TBC1D22A: variants seen among roughly 807,000 people sequenced by gnomAD.
TBC1D22A encodes TBC1 domain family member 22A, also known as putative GTPase activator.
A neutral mutation model predicts 60.2 loss-of-function variants in TBC1D22A; 38 were observed. The observed-to-expected ratio is 0.63, with a 90% CI of 0.49 to 0.83. The LOEUF is 0.83. Among genes scored for constraint, TBC1D22A ranks in the 40% least tolerant of loss-of-function variants. The pLI is 0.00. For missense variants in TBC1D22A, 628 were observed against 701.0 expected (o/e 0.90, Z 1.18); for synonymous variants, 302 against 281.7 (o/e 1.07, Z -0.72).
At chr22:47,008,248 G>C (rs948650866) in intron 10 of TBC1D22A, among the ~76,000 whole-genome samples, 1 of 152,226 alleles carries the variant, frequency 6.6e-6, no homozygotes, top group South Asian at 2.1e-4. Context: ...TGTTTGTTAT[G>C]TTTGTTCTGT....
At chr22:46,824,532 G>A (rs2085966386) in intron 4 of TBC1D22A, among the ~76,000 whole-genome samples, 1 of 152,194 alleles carries the variant, frequency 6.6e-6, no homozygotes, top group African/African-American at 2.4e-5. Flanking sequence ...TGAGGGCGGT[G>A]GAAGGAGGTC....
chr22:46,959,480 T>C (rs1358753467), intron 8 of TBC1D22A, among the ~76,000 whole-genome samples: 1 of 152,228 alleles, frequency 6.6e-6, no homozygotes, highest in Non-Finnish European at 1.5e-5. Context: ...CCTCTGCCTC[T>C]GTGCTGTGAC....
At chr22:46,954,180 T>C (rs2073066695) in intron 8 of TBC1D22A, among the ~76,000 whole-genome samples, 1 of 152,228 alleles carries the variant, frequency 6.6e-6, no homozygotes, top group East Asian at 1.9e-4. Context: ...CCATAGGCAC[T>C]AGAGTCAGAC....
At chr22:46,941,112 C>G (rs1292362681) in intron 8 of TBC1D22A, among the ~76,000 whole-genome samples, 1 of 31,580 alleles carries the variant, frequency 3.2e-5, no homozygotes, top group Admixed American at 3.9e-4. Flanking sequence ...CTAGCATACA[C>G]ACACACACAC....
In TBC1D22A at chr22:46,797,609, A is replaced by C; in HGVS notation, c.626A>C (p.Asn209Thr). The C allele has an allele frequency of 6.2e-7, 1 of 1,607,322 alleles. No homozygotes were observed. Among genetic ancestry groups the C allele is most frequent in the Non-Finnish European group, 8.5e-7 (1 of 1,175,678 alleles). The change falls in exon 4 of 13, where the codon AAC becomes ACC. Residue 209 changes from asparagine to threonine, a missense_variant. By Grantham distance (65) the Asn-to-Thr change is moderately conservative. Coordinates refer to ENST00000337137, the MANE Select transcript of TBC1D22A (RefSeq NM_014346.5). The stretch of plus-strand genomic sequence containing the variant: ...TTCAAGCAGCTGCTTGCCGGCCCCA[A>C]CACGGACCTTGGTAAGCACCCTGCC... ...DKFKQLLAGP[N>T]TDLEELRRLS...
At chr22:46,821,278 A>G (rs1262072706) in intron 4 of TBC1D22A, among the ~76,000 whole-genome samples, 1 of 152,184 alleles carries the variant, frequency 6.6e-6, no homozygotes, top group Non-Finnish European at 1.5e-5. Flanking sequence ...TCCTGTCATC[A>G]TGATGCTATC....
chr22:46,833,877 A>G (rs2086410586), intron 4 of TBC1D22A, among the ~76,000 whole-genome samples: 1 of 152,216 alleles, frequency 6.6e-6, no homozygotes, highest in African/African-American at 2.4e-5. Context: ...GGTTGAAGCA[A>G]CCATAGGCCA....
chr22:46,840,763 G>A (rs2086722621), intron 4 of TBC1D22A, among the ~76,000 whole-genome samples: 1 of 151,730 alleles, frequency 6.6e-6, no homozygotes, highest in Non-Finnish European at 1.5e-5. Flanking sequence ...ATGATAACAA[G>A]CATTCGTGAG....
intron 12 of TBC1D22A, among the ~76,000 whole-genome samples, chr22:47,119,328 A>C (rs2066186780): frequency 6.6e-6 from 1 of 151,950 alleles, no homozygotes; most frequent in African/African-American, 2.4e-5. Flanking sequence ...CAGGCTTGGC[A>C]CTCCGTCTCA....
chr22:46,978,696 G>A (rs138583882), intron 9 of TBC1D22A, among the ~76,000 whole-genome samples: 3 of 152,226 alleles, frequency 2.0e-5, no homozygotes, highest in Non-Finnish European at 2.9e-5. Context: ...TGCAACCTCC[G>A]CCTCCCAGGT....
chr22:46,934,132 T>C (rs1204616020), intron 8 of TBC1D22A, among the ~76,000 whole-genome samples: 2 of 152,250 alleles, frequency 1.3e-5, no homozygotes, highest in African/African-American at 4.8e-5. Flanking sequence ...TTGCAGACTT[T>C]TTATTTCTCA....
At chr22:46,828,752 G>C (rs1206727151) in intron 4 of TBC1D22A, among the ~76,000 whole-genome samples, 1 of 152,110 alleles carries the variant, frequency 6.6e-6, no homozygotes, top group Non-Finnish European at 1.5e-5. Context: ...TCTCTGTTTG[G>C]ACTGTTCTCT....
chr22:46,941,470 G>A (rs1337705589), intron 8 of TBC1D22A, among the ~76,000 whole-genome samples: 18 of 112,976 alleles, frequency 1.6e-4, no homozygotes, highest in African/African-American at 4.7e-4. Flanking sequence ...ATATATACAC[G>A]GAATATATAT....
At chr22:46,840,499 C>T (rs187990954) in intron 4 of TBC1D22A, among the ~76,000 whole-genome samples, 2 of 152,306 alleles carry the variant, frequency 1.3e-5, no homozygotes, top group Admixed American at 1.3e-4. Flanking sequence ...CTTTGGGAGC[C>T]TGAGGCAGGT....
intron 8 of TBC1D22A, among the ~76,000 whole-genome samples, chr22:46,966,287 T>C (rs1290654287): frequency 1.3e-5 from 2 of 152,232 alleles, no homozygotes; most frequent in Admixed American, 1.3e-4. Context: ...ATTCTCCACC[T>C]GGCAGGTTCC....
At chr22:46,799,429 C>T (rs1601912756) in intron 4 of TBC1D22A, among the ~76,000 whole-genome samples, 1 of 152,206 alleles carries the variant, frequency 6.6e-6, no homozygotes, top group East Asian at 1.9e-4. Flanking sequence ...TTCCTAAGCA[C>T]AAAGACATTC....
intron 8 of TBC1D22A, among the ~76,000 whole-genome samples, chr22:46,962,667 G>A (rs1452636661): frequency 1.3e-5 from 2 of 152,170 alleles, no homozygotes; most frequent in Admixed American, 6.5e-5. Context: ...TAATTATGCA[G>A]CATCCTGAGG....
At chr22:46,765,795 T>C (rs1164731604) in intron 1 of TBC1D22A, among the ~76,000 whole-genome samples, 5 of 120,890 alleles carry the variant, frequency 4.1e-5, no homozygotes, top group Non-Finnish European at 7.0e-5. Context: ...TTTTTTTTTT[T>C]CTGAGACAAG....
chr22:46,905,798 G>T (rs1238512096), intron 7 of TBC1D22A, among the ~76,000 whole-genome samples: 1 of 152,248 alleles, frequency 6.6e-6, no homozygotes, highest in Non-Finnish European at 1.5e-5. Context: ...GCAGGAATCA[G>T]TGGTCCTTCT....
Sources: gnomAD v4.1 joint callset for allele counts (sites outside exome capture counted in the v4.1 genomes callset) on GRCh38, gnomAD v4.1.1 for gene constraint, MANE v1.5 for transcripts, NCBI Gene and HGNC (gene_info 2026-07-23, HGNC 2026-07-21) for gene names.